FAM185A: variants seen among roughly 807,000 people sequenced by gnomAD.
FAM185A encodes the protein protein FAM185A.
In FAM185A, 21 loss-of-function variants were observed where a neutral mutation model predicts 45.7. The observed-to-expected ratio is 0.46, with a 90% CI of 0.33 to 0.66. The LOEUF is 0.66. Ranked by LOEUF, FAM185A falls within the 30% of genes least tolerant of loss-of-function variation. The pLI is 0.03. For synonymous variants in FAM185A, 117 were observed against 194.0 expected, an observed-to-expected ratio of 0.60 and a Z score of 3.30; for missense variants, 305 against 485.4, an observed-to-expected ratio of 0.63 and a Z score of 3.49.
chr7:102,804,105 T>C (rs1796958986), intron 7 of FAM185A, among the ~76,000 whole-genome samples: 1 of 152,176 alleles, frequency 6.6e-6, no homozygotes, highest in Non-Finnish European at 1.5e-5. Context: ...ATGACCATAC[T>C]GCCAAAAGCA....
chr7:102,785,366 C>T (rs567749329), intron 6 of FAM185A, among the ~76,000 whole-genome samples: 2,405 of 145,460 alleles, frequency 0.017, 63 homozygotes, highest in African/African-American at 0.059. Context: ...GAGCCCGCAT[C>T]GCCAAGTCAA....
At chr7:102,773,500 TAAAG>T (rs1794876935) in intron 5 of FAM185A, among the ~76,000 whole-genome samples, 1 of 152,144 alleles carries the variant, frequency 6.6e-6, no homozygotes, top group South Asian at 2.1e-4. Flanking sequence ...CAACTGTAAA[TAAAG>T]CTGCTATGAA....
At chr7:102,772,506 T>C in intron 5 of FAM185A, 56 bp downstream of exon 5, 2 of 1,118,456 alleles carry the variant, frequency 1.8e-6, no homozygotes, top group Non-Finnish European at 2.5e-6. Context: ...ATGGGTATAT[T>C]TGTGATGACT....
chr7:102,843,762 C>A, the FAM185A span, among the ~76,000 whole-genome samples: 1 of 151,868 alleles, frequency 6.6e-6, no homozygotes, highest in Admixed American at 6.6e-5. Context: ...GGCGACAGAG[C>A]GAGACTCCGT....
chr7:102,831,673 A>G, the FAM185A span, among the ~76,000 whole-genome samples: 3 of 152,130 alleles, frequency 2.0e-5, no homozygotes, highest in Non-Finnish European at 4.4e-5. Flanking sequence ...CCAAGCTTGA[A>G]GATTGTGGTG....
At chr7:102,766,324 T>C (rs1278410316) in intron 4 of FAM185A, among the ~76,000 whole-genome samples, 1 of 152,256 alleles carries the variant, frequency 6.6e-6, no homozygotes, top group East Asian at 1.9e-4. Context: ...CATATCTTGA[T>C]AGATAAATTG....
At chr7:102,750,700 G>A (rs1407754988) in intron 1 of FAM185A, among the ~76,000 whole-genome samples, 3 of 152,082 alleles carry the variant, frequency 2.0e-5, no homozygotes, top group East Asian at 1.9e-4. Context: ...GTGGGGGGGC[G>A]GGTCTTGCCT....
chr7:102,804,737 T>TA (rs1268333921), intron 7 of FAM185A, among the ~76,000 whole-genome samples: 8 of 152,020 alleles, frequency 5.3e-5, no homozygotes, highest in African/African-American at 1.7e-4. Context: ...GTCAGCAGAG[T>TA]AAACAGACAA....
At chr7:102,840,941 C>T in the FAM185A span, among the ~76,000 whole-genome samples, 29 of 152,126 alleles carry the variant, frequency 1.9e-4, no homozygotes, top group Admixed American at 4.6e-4. Context: ...GATCCTGGAA[C>T]GATCCTATCT....
chr7:102,757,396 C>T (rs1793817910), intron 2 of FAM185A, among the ~76,000 whole-genome samples: 1 of 152,194 alleles, frequency 6.6e-6, no homozygotes, highest in Non-Finnish European at 1.5e-5. Context: ...AAATGTAATA[C>T]TTATCTCTCT....
At chr7:102,767,210 C>T (rs1794466141) in intron 4 of FAM185A, among the ~76,000 whole-genome samples, 1 of 143,926 alleles carries the variant, frequency 6.9e-6, no homozygotes, top group African/African-American at 2.6e-5. Flanking sequence ...TTGATATTTA[C>T]TACAGTGTCT....
At chr7:102,839,291 C>T in the FAM185A span, among the ~76,000 whole-genome samples, 5 of 152,166 alleles carry the variant, frequency 3.3e-5, no homozygotes, top group South Asian at 2.1e-4. Context: ...GCTCTCCTAC[C>T]GCATTCCTCT....
In FAM185A at chr7:102,776,099, T is replaced by TACACACACACACACACACACATATACAC. The variant is rs1360377462; in HGVS notation, c.836-1137_836-1136insCACATATACACACACACACACACACACA. 6.6e-4 allele frequency among the ~76,000 whole-genome samples: 70 copies of TACACACACACACACACACACATATACAC among 106,658 alleles called. 1 individual carries two copies. Among genetic ancestry groups the TACACACACACACACACACACATATACAC allele is most frequent in the African/African-American group, 3.3e-3 (64 of 19,208 alleles). The allele number at this position is 106,658 out of a possible 152,430, so 70.0% of individuals were successfully genotyped here. A position where few individuals can be genotyped will look rare whatever the true frequency, so the allele number is the denominator to read the frequency against. On this transcript the variant is annotated intron_variant, in intron 5 of 7. Transcript: ENST00000413034. Reference sequence around the variant, plus strand: ...TTTAAAAGAAAAATGTTGGCTCCTATACACACACACACACACAAATGTTTT... The same window carrying TACACACACACACACACACACATATACAC: ...TTTAAAAGAAAAATGTTGGCTCCTATACACACACACACACACACACATATACACACACACACACACACACAAATGTTTT...
the FAM185A span, among the ~76,000 whole-genome samples, chr7:102,827,532 T>A: frequency 3.4e-5 from 5 of 148,900 alleles, no homozygotes; most frequent in Non-Finnish European, 6.0e-5. Context: ...CCATTGATCA[T>A]TTTTTTTTTA....
the FAM185A span, among the ~76,000 whole-genome samples, chr7:102,838,920 C>T: frequency 6.6e-6 from 1 of 152,136 alleles, no homozygotes; most frequent in Non-Finnish European, 1.5e-5. Flanking sequence ...GTCCCCCAGC[C>T]CGACACCCGT....
the FAM185A span, among the ~76,000 whole-genome samples, chr7:102,848,809 G>A: frequency 6.6e-6 from 1 of 151,894 alleles, no homozygotes; most frequent in African/African-American, 2.4e-5. Context: ...GACCAGTCTG[G>A]CCAACATGGT....
At chr7:102,813,658 G>T, downstream of FAM185A, 2 of 922,462 alleles carry the variant, frequency 2.2e-6, no homozygotes, top group Middle Eastern at 3.1e-4. Context: ...GACCTCTCTT[G>T]CCTTGCTGAG....
At chr7:102,789,895 A>G (rs575702072) in intron 7 of FAM185A, among the ~76,000 whole-genome samples, 202 of 152,316 alleles carry the variant, frequency 1.3e-3, no homozygotes, top group Non-Finnish European at 2.0e-3. Context: ...CGAAGACACA[A>G]ACACACACAT....
the FAM185A span, among the ~76,000 whole-genome samples, chr7:102,849,438 A>G: frequency 6.6e-6 from 1 of 152,186 alleles, no homozygotes; most frequent in African/African-American, 2.4e-5. Flanking sequence ...AACTCTTGCA[A>G]AACCTAACCA....
Sources: allele counts gnomAD v4.1 joint callset (sites outside exome capture counted in the v4.1 genomes callset), GRCh38; gene constraint gnomAD v4.1.1; transcripts MANE v1.5; gene names NCBI Gene and HGNC (gene_info 2026-07-23, HGNC 2026-07-21).